Variants in RUFY4 observed in about 807,000 individuals in gnomAD.
RUFY4 encodes RUN and FYVE domain containing 4, also known as RUN and FYVE domain-containing protein 4.
Under a neutral mutation model 69.0 loss-of-function variants are expected in RUFY4, and 73 were observed. The observed-to-expected ratio is 1.06, with a 90% CI of 0.88 to 1.29. The LOEUF is 1.29. Ranked by LOEUF, RUFY4 falls within the 50% of genes most tolerant of loss-of-function variation. The pLI is 0.00. For synonymous variants in RUFY4, 287 were observed against 271.8 expected (o/e 1.06, Z -0.55); for missense variants, 770 against 705.6 (o/e 1.09, Z -1.03).
At chr2:218,047,034 T>C (rs545697673) in intron 2 of RUFY4, among the ~76,000 whole-genome samples, 2 of 140,022 alleles carry the variant, frequency 1.4e-5, no homozygotes, top group Admixed American at 7.0e-5. Context: ...AAAAGTTTCA[T>C]TGTGGTTAAA....
At position 218,086,286 on chromosome 2, in the gene RUFY4, A is replaced by C. The variant is rs149629454; in HGVS notation, c.1503-2966A>C. ...AGAGAAACAAATGAAACATAGCAAA[A>C]ATTAAGATGTGAGAGAATTCCCCAG... On this transcript the variant is annotated intron_variant, in intron 9 of 10. Transcript: ENST00000344321. 2.4e-4 allele frequency among the ~76,000 whole-genome samples: 37 copies of C among 152,292 alleles called. No individual in the cohort carries two copies. The East Asian group carries it at 6.9e-3, about 29-fold the overall frequency.
At chr2:218,050,522 C>G (rs1688920303) in intron 2 of RUFY4, among the ~76,000 whole-genome samples, 1 of 152,224 alleles carries the variant, frequency 6.6e-6, no homozygotes, top group African/African-American at 2.4e-5. Flanking sequence ...ACCCTCCCTC[C>G]AGCTCACAGA....
intron 2 of RUFY4, among the ~76,000 whole-genome samples, chr2:218,055,217 A>G (rs944129427): frequency 1.3e-5 from 2 of 152,190 alleles, no homozygotes; most frequent in Admixed American, 1.3e-4. Flanking sequence ...AAACATGATG[A>G]AACCCCATCT....
chr2:218,079,855 C>T (rs971345898), intron 8 of RUFY4, among the ~76,000 whole-genome samples: 1 of 152,142 alleles, frequency 6.6e-6, no homozygotes, highest in Admixed American at 6.5e-5. Flanking sequence ...TTGGCCCAGC[C>T]TGCTCTAGAA....
chr2:218,053,263 G>A (rs1023018839), intron 2 of RUFY4, among the ~76,000 whole-genome samples: 12 of 152,050 alleles, frequency 7.9e-5, no homozygotes, highest in African/African-American at 2.9e-4. Context: ...AAGTCTCAAA[G>A]GATGAGGCTT....
upstream of RUFY4, among the ~76,000 whole-genome samples, chr2:218,067,496 G>A (rs1689368886): frequency 1.3e-5 from 2 of 152,196 alleles, no homozygotes; most frequent in South Asian, 4.1e-4. Flanking sequence ...CAGGTGATGG[G>A]TGCAGGCTGC....
At position 218,053,330 on chromosome 2, in the gene RUFY4, C is replaced by T. The variant is rs565471592; in HGVS notation, c.-1157-5265C>T. 3.4e-5 allele frequency among the ~76,000 whole-genome samples: 5 copies of T among 148,646 alleles called. No homozygotes were observed. The East Asian group carries it at 9.9e-4, about 30-fold the overall frequency. On this transcript the variant is annotated intron_variant and NMD_transcript_variant, in intron 2 of 13. Coordinates refer to the RUFY4 transcript ENST00000457754. ...TTGTATGAAAAGCACTGTCAAATAA[C>T]GAAATGATATTAAACCTTTTTTTTT...
At chr2:218,066,668 G>A (rs565480343), upstream of RUFY4, among the ~76,000 whole-genome samples, 7 of 152,288 alleles carry the variant, frequency 4.6e-5, no homozygotes, top group African/African-American at 1.4e-4. Flanking sequence ...TAAAGATAAC[G>A]TCTTACATTA....
At chr2:218,045,354 C>A (rs1688802951) in intron 2 of RUFY4, among the ~76,000 whole-genome samples, 1 of 152,080 alleles carries the variant, frequency 6.6e-6, no homozygotes, top group Non-Finnish European at 1.5e-5. Context: ...GTGCAAATAC[C>A]CATATTGCAT....
At chr2:218,062,210 T>C (rs1398512651) in intron 3 of RUFY4, among the ~76,000 whole-genome samples, 3 of 151,828 alleles carry the variant, frequency 2.0e-5, no homozygotes, top group Non-Finnish European at 4.4e-5. Context: ...CCATCCTGGC[T>C]AACATGGTGA....
chr2:218,080,349 T>C (rs1574515844), intron 8 of RUFY4, among the ~76,000 whole-genome samples: 1 of 152,082 alleles, frequency 6.6e-6, no homozygotes, highest in African/African-American at 2.4e-5. Context: ...GGGGCAGAGG[T>C]GAGCCACAGC....
Position 218,071,682 on chromosome 2 carries a change from G to T in RUFY4, c.154-692G>T, listed in dbSNP as rs146252789. On this transcript the variant is annotated intron_variant, in intron 2 of 10. Transcript: ENST00000344321. Reference sequence around the variant, plus strand: ...TCTTTCCTGCTTTATTTTTTTCTCCGTAGCAGTCATCACTATCTAACATAC... The same window carrying T: ...TCTTTCCTGCTTTATTTTTTTCTCCTTAGCAGTCATCACTATCTAACATAC... Among the ~76,000 whole-genome samples, 18 of 152,052 alleles carry T rather than the reference G, an allele frequency of 1.2e-4. 1 individual carries two copies. The East Asian group carries it at 3.5e-3, about 29-fold the overall frequency.
Position 218,083,271 on chromosome 2 carries a change from A to T in RUFY4, c.1502+15A>T. On this transcript the variant is annotated intron_variant, in intron 9 of 10. Transcript: ENST00000344321. ...GAACTGATCCAGTAAGGACGGGGAC[A>T]GTGGGAAAGGGGAAACAGATGGGGG... 1.3e-6 allele frequency: 2 copies of T among 1,573,388 alleles called. No homozygotes were observed. The highest frequency in any genetic ancestry group is 1.7e-6 in the Non-Finnish European group (2 of 1,155,982).
chr2:218,083,038 G>A (rs1313058104), intron 8 of RUFY4, 72 bp from the exon 11 acceptor site: 4 of 1,441,612 alleles, frequency 2.8e-6, no homozygotes, highest in Non-Finnish European at 3.6e-6. Context: ...CTCTCTGGAA[G>A]AGGCTCAGCC....
chr2:218,072,434 T>C lies in RUFY4; in HGVS notation c.214T>C (p.Cys72Arg), dbSNP rs74375014. The C allele has an allele frequency of 4.2e-3, 6,458 of 1,537,388 alleles. 221 individuals carry two copies. The African/African-American group carries it at 0.078, about 19-fold the overall frequency. Residue 72 changes from cysteine (C) to arginine (R), a missense_variant, in exon 3 of 11, where the codon TGC (cysteine) becomes CGC (arginine). Physicochemically the swap from Cys to Arg is radical, Grantham distance 180. Transcript: ENST00000344321. ...TCGGAAGGATTACTGGGACTTTCTC[T>C]GCACTGCCCTACGACGGCAGCGGGG...
rs752509147 is a variant in RUFY4 at position 218,075,396 on chromosome 2, G to T, written c.904G>T (p.Ala302Ser). The change falls in exon 7 of 11, where the codon GCT (alanine) becomes TCT (serine). Residue 302 changes from alanine (A) to serine (S), a missense_variant. By Grantham distance (99) the Ala-to-Ser change is moderately conservative. Coordinates refer to ENST00000344321, the Ensembl canonical transcript of RUFY4. ...CAGCACCCAGGGACAGGGGAAGGGGGCTATGGGCACTCAGAAGGAGGTGAT... is the reference window on the plus strand; with the variant it reads ...CAGCACCCAGGGACAGGGGAAGGGGTCTATGGGCACTCAGAAGGAGGTGAT... The T allele has an allele frequency of 6.8e-6, 11 of 1,613,120 alleles. No homozygotes were observed. Among genetic ancestry groups the T allele is most frequent in the Admixed American group, 1.7e-5 (1 of 59,892 alleles).
intron 2 of RUFY4, among the ~76,000 whole-genome samples, chr2:218,050,122 A>G (rs1175343298): frequency 6.6e-6 from 1 of 152,122 alleles, no homozygotes; most frequent in Non-Finnish European, 1.5e-5. Context: ...TTCCAAAGCC[A>G]CCCATGGACC....
chr2:218,042,340 A>G (rs186164513), intron 2 of RUFY4, among the ~76,000 whole-genome samples: 1,800 of 152,356 alleles, frequency 0.012, 37 homozygotes, highest in African/African-American at 0.041. Context: ...ATTTGTTAAC[A>G]TAGAAACACC....
intron 2 of RUFY4, among the ~76,000 whole-genome samples, chr2:218,057,639 G>GTTACTTT (rs1373801021): frequency 6.6e-6 from 1 of 152,122 alleles, no homozygotes; most frequent in Admixed American, 6.5e-5. Flanking sequence ...ATCGCCACAG[G>GTTACTTT]TTACTTCTAT....
Sources: allele counts gnomAD v4.1 joint callset (sites outside exome capture counted in the v4.1 genomes callset), GRCh38; gene constraint gnomAD v4.1.1; transcripts MANE v1.5; gene names NCBI Gene and HGNC (gene_info 2026-07-23, HGNC 2026-07-21).